Variants in MAGI2 observed in about 807,000 individuals in gnomAD.
The protein encoded by MAGI2 is membrane associated guanylate kinase, WW and PDZ domain containing 2.
Under a neutral mutation model 133.3 loss-of-function variants are expected in MAGI2, and 35 were observed. The ratio of observed to expected loss-of-function variants is 0.26; its 90% CI spans 0.20 to 0.35. The LOEUF (loss-of-function observed/expected upper bound fraction) is 0.35. Among genes scored for constraint, MAGI2 ranks in the 10% least tolerant of loss-of-function variants. The pLI is 1.00. For missense variants in MAGI2, 1,636 were observed against 1,863.4 expected (o/e 0.88, Z 2.25); for synonymous variants, 729 against 710.6 (o/e 1.03, Z -0.41).
chr7:78,651,390 T>C (rs1277034728), intron 2 of MAGI2, among the ~76,000 whole-genome samples: 1 of 152,046 alleles, frequency 6.6e-6, no homozygotes, highest in South Asian at 2.1e-4. Context: ...GTCTACATTG[T>C]CCTGATTCAT....
intron 3 of MAGI2, among the ~76,000 whole-genome samples, chr7:78,569,817 C>A (rs1321478127): frequency 2.0e-5 from 3 of 152,130 alleles, no homozygotes; most frequent in African/African-American, 4.8e-5. Context: ...CCCAAGGTAA[C>A]CACTATGTTG....
At chr7:78,728,174 C>G (rs990632853) in intron 2 of MAGI2, among the ~76,000 whole-genome samples, 2 of 151,938 alleles carry the variant, frequency 1.3e-5, no homozygotes, top group Non-Finnish European at 2.9e-5. Flanking sequence ...ATGTTCATTC[C>G]CTGCGAGGTT....
chr7:78,455,902 C>T (rs2302640), intron 6 of MAGI2, among the ~76,000 whole-genome samples: 2 of 151,632 alleles, frequency 1.3e-5, no homozygotes, highest in African/African-American at 4.9e-5. Context: ...ATCAGTAATA[C>T]CCTAATGTTT....
chr7:79,140,235 C>T (rs1276758678), intron 1 of MAGI2, among the ~76,000 whole-genome samples: 1 of 152,166 alleles, frequency 6.6e-6, no homozygotes, highest in Admixed American at 6.5e-5. Context: ...AGATTTTATG[C>T]TGAATGTAGG....
chr7:78,523,089 C>T (rs1796647311), intron 3 of MAGI2, among the ~76,000 whole-genome samples: 1 of 152,192 alleles, frequency 6.6e-6, no homozygotes, highest in South Asian at 2.1e-4. Context: ...TCACTAAACA[C>T]ATCTGGGTAA....
At chr7:79,232,388 C>T (rs1241580796) in intron 1 of MAGI2, among the ~76,000 whole-genome samples, 26 of 141,214 alleles carry the variant, frequency 1.8e-4, no homozygotes, top group Non-Finnish European at 3.5e-4. Context: ...CTCCTTGTAC[C>T]TCTGGTAGAA....
chr7:79,158,284 C>CA (rs1824015219), intron 1 of MAGI2, among the ~76,000 whole-genome samples: 1 of 151,902 alleles, frequency 6.6e-6, no homozygotes, highest in South Asian at 2.1e-4. Flanking sequence ...GTTGTGTACA[C>CA]AACGTTTCAC....
intron 2 of MAGI2, among the ~76,000 whole-genome samples, chr7:79,004,939 G>T (rs1009052311): frequency 6.6e-6 from 1 of 151,908 alleles, no homozygotes; most frequent in African/African-American, 2.4e-5. Context: ...AAAATTAGCC[G>T]GGCATGGTGG....
rs149927152 is a variant in MAGI2, at chr7:78,629,079, G to A, written c.419-1840C>T. 4.9e-4 allele frequency among the ~76,000 whole-genome samples: 74 copies of A among 152,126 alleles called. 1 individual carries two copies. In the East Asian group the frequency reaches 0.013, roughly 26 times the overall value. On this transcript the variant is annotated intron_variant, in intron 2 of 21. Coordinates refer to ENST00000354212, the MANE Select transcript of MAGI2 (RefSeq NM_012301.4). ...TCACAAGATTGAGGGCAATTTCCAG[G>A]GCTGCTGACTTGTTTGGAGTAACAT... is the stretch of plus-strand genomic sequence containing the variant.
At chr7:78,353,216 C>T (rs976892339) in intron 7 of MAGI2, among the ~76,000 whole-genome samples, 3 of 152,212 alleles carry the variant, frequency 2.0e-5, no homozygotes, top group African/African-American at 7.2e-5. Flanking sequence ...TACACTATTT[C>T]AAGATCTTTC....
At chr7:79,243,149 A>T (rs974395782) in intron 1 of MAGI2, among the ~76,000 whole-genome samples, 1 of 152,096 alleles carries the variant, frequency 6.6e-6, no homozygotes, top group Non-Finnish European at 1.5e-5. Flanking sequence ...AAAAGAAAAG[A>T]CAAATAAAAA....
At chr7:79,241,882 A>C (rs1488658207) in intron 1 of MAGI2, among the ~76,000 whole-genome samples, 1 of 152,156 alleles carries the variant, frequency 6.6e-6, no homozygotes, top group Admixed American at 6.5e-5. Flanking sequence ...CTGTGGTCCC[A>C]TCTAGAGGCA....
At chr7:78,464,227 A>G (rs1298028681) in intron 6 of MAGI2, among the ~76,000 whole-genome samples, 1 of 152,132 alleles carries the variant, frequency 6.6e-6, no homozygotes, top group Non-Finnish European at 1.5e-5. Flanking sequence ...CTTTCTTGAT[A>G]ATCCTCCCAC....
intron 20 of MAGI2, among the ~76,000 whole-genome samples, chr7:78,103,792 G>T (rs910890609): frequency 3.3e-5 from 5 of 152,234 alleles, no homozygotes. Flanking sequence ...ATTTATCGAG[G>T]CTATGAATTG....
intron 2 of MAGI2, among the ~76,000 whole-genome samples, chr7:78,679,545 GAC>G (rs67874906): frequency 0.79 from 119,843 of 151,966 alleles, 47,680 homozygotes; most frequent in East Asian, 0.91. Context: ...ACCTAATAGT[GAC>G]ACATATGTAC....
At chr7:78,702,131 T>C (rs541437911) in intron 2 of MAGI2, among the ~76,000 whole-genome samples, 2 of 152,114 alleles carry the variant, frequency 1.3e-5, no homozygotes, top group African/African-American at 4.8e-5. Flanking sequence ...ACAACTGTCA[T>C]TTGGTATTTC....
In MAGI2 at chr7:78,256,123, G is replaced by T. The variant is rs1792946665; in HGVS notation, c.1867C>A (p.Pro623Thr). 2.5e-6 allele frequency: 4 copies of T among 1,613,758 alleles called. No homozygotes were observed. The highest frequency in any genetic ancestry group is 1.1e-5 in the South Asian group (1 of 91,052). The change falls in exon 10 of 22, where the codon CCT (proline) becomes ACT (threonine). Residue 623 changes from proline to threonine, a missense_variant. Transcript: ENST00000354212. ...QGFGFTIADSPTGQRVKQILD... is the reference protein window; with the variant it reads ...QGFGFTIADSTTGQRVKQILD... ...ATTTGTTTCACCCGCTGTCCTGTAG[G>T]ACTGTCGGCAATAGTGAAGCCGAAG...
At chr7:78,287,655 C>T (rs1796281563) in intron 9 of MAGI2, among the ~76,000 whole-genome samples, 1 of 152,132 alleles carries the variant, frequency 6.6e-6, no homozygotes, top group African/African-American at 2.4e-5. Flanking sequence ...GTGATCTTTA[C>T]CATCATATTT....
At chr7:79,186,213 TATATATATATATATATATATATATATA>T (rs1827095041) in intron 1 of MAGI2, among the ~76,000 whole-genome samples, 1 of 6,020 alleles carries the variant, frequency 1.7e-4, no homozygotes, top group Non-Finnish European at 7.5e-4. Context: ...TATATATATA[TATATATATATATATATATATATATATA>T]TATTTATATT....
Sources: allele counts gnomAD v4.1 joint callset (sites outside exome capture counted in the v4.1 genomes callset), GRCh38; gene constraint gnomAD v4.1.1; transcripts MANE v1.5; gene names NCBI Gene and HGNC (gene_info 2026-07-23, HGNC 2026-07-21).